RSF1: variants seen among roughly 807,000 people sequenced by gnomAD.
The protein encoded by RSF1 is HBV pX-associated protein 8.
Under a neutral mutation model 145.2 loss-of-function variants are expected in RSF1, and 13 were observed. The observed-to-expected ratio is 0.09, with a 90% CI of 0.06 to 0.14. The LOEUF (loss-of-function observed/expected upper bound fraction) is 0.14, where lower values mean the gene tolerates loss of function less well. RSF1 is among the 10% of genes least tolerant of loss of function. The pLI is 1.00. For synonymous variants in RSF1, 577 were observed against 592.6 expected (o/e 0.97, Z 0.38); for missense variants, 1,517 against 1,718.2 (o/e 0.88, Z 2.07).
At chr11:77,695,315 T>C (rs1422195158) in intron 7 of RSF1, among the ~76,000 whole-genome samples, 1 of 152,098 alleles carries the variant, frequency 6.6e-6, no homozygotes, top group Non-Finnish European at 1.5e-5. Flanking sequence ...CTTGCAACGA[T>C]TGTTACTGTG....
chr11:77,731,946 A>C (rs1211590723), intron 4 of RSF1, among the ~76,000 whole-genome samples: 14 of 152,218 alleles, frequency 9.2e-5, no homozygotes, highest in Admixed American at 9.2e-4. Flanking sequence ...CAGAGTCCCT[A>C]CTGGGGCACC....
chr11:77,697,246 C>T (rs937075889), intron 7 of RSF1, among the ~76,000 whole-genome samples: 7 of 151,808 alleles, frequency 4.6e-5, no homozygotes, highest in Non-Finnish European at 1.0e-4. Context: ...ATTTTCCAAA[C>T]TTTAGAGGAT....
At chr11:77,750,366 G>T (rs1948049160) in intron 2 of RSF1, among the ~76,000 whole-genome samples, 1 of 152,192 alleles carries the variant, frequency 6.6e-6, no homozygotes, top group African/African-American at 2.4e-5. Context: ...ATCAGCCATA[G>T]AATATACATA....
intron 1 of RSF1, among the ~76,000 whole-genome samples, chr11:77,774,660 C>T (rs1365449144): frequency 6.7e-6 from 1 of 150,352 alleles, no homozygotes; most frequent in Non-Finnish European, 1.5e-5. Flanking sequence ...GCTGCAGTGG[C>T]TCACGCCTGT....
chr11:77,667,118 G>A lies in RSF1; in HGVS notation c.4125C>T (p.Ser1375=). 2 of 1,614,216 alleles carry A rather than the reference G, an allele frequency of 1.2e-6. No homozygotes were observed. Among genetic ancestry groups the A allele is most frequent in the South Asian group, 2.2e-5 (2 of 91,082 alleles). ...TCAAGTTCTCAATGGCTTTGCCAGGGCTCTGTCCATTGGTTGAAGGTAAGT... is the reference window on the plus strand; with the variant it reads ...TCAAGTTCTCAATGGCTTTGCCAGGACTCTGTCCATTGGTTGAAGGTAAGT... ...LVDLPSTNGQ[S]PGKAIENLIG... The change falls in exon 16 of 16, where the codon AGC becomes AGT. Residue 1375 remains serine (S), a synonymous_variant. Transcript: ENST00000308488.
chr11:77,791,771 G>T (rs540532328), intron 1 of RSF1, among the ~76,000 whole-genome samples: 4 of 152,052 alleles, frequency 2.6e-5, no homozygotes, highest in Non-Finnish European at 5.9e-5. Flanking sequence ...CCTCTTCTCC[G>T]TCTGAGACCA....
chr11:77,717,465 G>A (rs984474304), intron 5 of RSF1, among the ~76,000 whole-genome samples: 3 of 152,196 alleles, frequency 2.0e-5, no homozygotes, highest in East Asian at 1.9e-4. Context: ...AAGGCTAGAT[G>A]TTGCTCCTGT....
intron 1 of RSF1, among the ~76,000 whole-genome samples, chr11:77,808,200 G>T (rs1298277381): frequency 1.3e-5 from 2 of 151,956 alleles, no homozygotes; most frequent in African/African-American, 4.8e-5. Context: ...TGGGCATGAT[G>T]GTGCGTGCCT....
At chr11:77,779,527 C>T (rs1023635018) in intron 1 of RSF1, among the ~76,000 whole-genome samples, 1 of 152,012 alleles carries the variant, frequency 6.6e-6, no homozygotes, top group Non-Finnish European at 1.5e-5. Context: ...GGATTACAGG[C>T]ATGCGCCACC....
intron 11 of RSF1, 30 bp from the exon 12 acceptor site, chr11:77,678,183 C>T: frequency 1.6e-6 from 2 of 1,214,032 alleles, no homozygotes; most frequent in Non-Finnish European, 2.2e-6. Flanking sequence ...CACATTATAG[C>T]CTGTCCTGGC....
At chr11:77,764,747 T>C in intron 1 of RSF1, 58 bp from the exon 2 acceptor site, 4 of 1,044,746 alleles carry the variant, frequency 3.8e-6, no homozygotes, top group Middle Eastern at 2.3e-4. Flanking sequence ...TCTAAACATT[T>C]AAGATAATAA....
At chr11:77,865,825 C>A in the RSF1 span, among the ~76,000 whole-genome samples, 1 of 152,156 alleles carries the variant, frequency 6.6e-6, no homozygotes. Context: ...TCTTACATAT[C>A]TTCTTTTGTG....
chr11:77,669,384 G>T (rs1293056335), intron 15 of RSF1, among the ~76,000 whole-genome samples: 1 of 151,992 alleles, frequency 6.6e-6, no homozygotes. Context: ...TCAAAATGTG[G>T]GATGGTTTGC....
intron 7 of RSF1, among the ~76,000 whole-genome samples, chr11:77,696,504 AT>A (rs1406851205): frequency 2.0e-5 from 3 of 152,198 alleles, no homozygotes; most frequent in Non-Finnish European, 4.4e-5. Context: ...AATCTACCAT[AT>A]TTGGGATCTT....
intron 8 of RSF1, among the ~76,000 whole-genome samples, chr11:77,692,712 T>C (rs1960186652): frequency 6.8e-6 from 1 of 147,438 alleles, no homozygotes; most frequent in Middle Eastern, 3.5e-3. Context: ...AGAGTCTTGC[T>C]CTGTTGCCAG....
At chr11:77,740,586 C>A in intron 4 of RSF1, 145 bp downstream of exon 4, 1 of 654,476 alleles carries the variant, frequency 1.5e-6, no homozygotes, top group Non-Finnish European at 2.7e-6. Flanking sequence ...ATGGGTATTA[C>A]GCTGGATACT....
chr11:77,693,762 G>A (rs903560011), intron 7 of RSF1, 151 bp from the exon 8 acceptor site: 4 of 284,328 alleles, frequency 1.4e-5, no homozygotes. Flanking sequence ...TTAGGGATCT[G>A]ACATTTATTT....
intron 3 of RSF1, among the ~76,000 whole-genome samples, chr11:77,744,686 T>A (rs1947980540): frequency 6.6e-6 from 1 of 152,238 alleles, no homozygotes; most frequent in African/African-American, 2.4e-5. Flanking sequence ...GTGAATGATC[T>A]CATTTATGTG....
intron 3 of RSF1, among the ~76,000 whole-genome samples, chr11:77,743,967 T>A (rs1590863037): frequency 1.3e-5 from 2 of 152,230 alleles, no homozygotes; most frequent in Admixed American, 1.3e-4. Context: ...TATACTCATA[T>A]GATCATATAA....
Sources: gnomAD v4.1 joint callset for allele counts (sites outside exome capture counted in the v4.1 genomes callset) on GRCh38, gnomAD v4.1.1 for gene constraint, MANE v1.5 for transcripts, NCBI Gene and HGNC (gene_info 2026-07-23, HGNC 2026-07-21) for gene names.